CARNS1: variants seen among roughly 807,000 people sequenced by gnomAD.
CARNS1 encodes carnosine synthase 1.
Under a neutral mutation model 74.0 loss-of-function variants are expected in CARNS1, and 61 were observed. That is an observed-to-expected ratio of 0.82 (90% CI 0.67 to 1.02). The LOEUF (loss-of-function observed/expected upper bound fraction) is 1.02, where lower values mean the gene tolerates loss of function less well. Among genes scored for constraint, CARNS1 ranks in the 50% least tolerant of loss-of-function variants. The pLI is 0.00. For missense variants in CARNS1, 1,278 were observed against 1,308.4 expected (o/e 0.98, Z 0.36); for synonymous variants, 568 against 605.5 (o/e 0.94, Z 0.91).
chr11:67,419,248 C>T lies in CARNS1; in HGVS notation c.852+5C>T. The T allele has an allele frequency of 1.8e-5, 27 of 1,471,144 alleles. No homozygotes were observed. The highest frequency in any genetic ancestry group is 2.3e-5 in the Non-Finnish European group (26 of 1,106,466). 91.1% of individuals were successfully genotyped at this position (1,471,144 alleles called of 1,614,324 possible). A position where few individuals can be genotyped will look rare whatever the true frequency, so the allele number is the denominator to read the frequency against. On this transcript the variant is annotated splice_donor_5th_base_variant and intron_variant, in intron 5 of 9. Transcript: ENST00000687366. ...GCCCTGGGTGATATCCTGCAGGTAA[C>T]AGACTCTCGCCCACCCTGAGGTCTG...
chr11:67,419,281 G>A lies in CARNS1; in HGVS notation c.852+38G>A, dbSNP rs111526181. ...CGCCCACCCTGAGGTCTGTACAGATGCCAGCAGGATGGGACCCAGGCACGG... is the reference window on the plus strand; with the variant it reads ...CGCCCACCCTGAGGTCTGTACAGATACCAGCAGGATGGGACCCAGGCACGG... On this transcript the variant is annotated intron_variant, in intron 5 of 9. Transcript: ENST00000687366. The A allele has an allele frequency of 6.5e-5, 96 of 1,468,498 alleles. 4 individuals are homozygous for A. In the African/African-American group the frequency reaches 7.4e-4, roughly 11 times the overall value. 91.0% of individuals were successfully genotyped at this position (1,468,498 alleles called of 1,614,324 possible). A position where few individuals can be genotyped will look rare whatever the true frequency, so the allele number is the denominator to read the frequency against.
chr11:67,420,758 C>T lies in CARNS1; in HGVS notation c.1263C>T (p.Ala421=), dbSNP rs2135090544. The change falls in exon 8 of 10, where the codon GCC becomes GCT. Residue 421 remains alanine (A), a synonymous_variant. Transcript: ENST00000687366. ...AGCGCGTCAAGGCGGCGGCCGAGGC[C>T]GCGCTGGCCGCCGTGCTGGCTCTGG... ...VRQRVKAAAE[A]ALAAVLALEA... is the part of the protein sequence containing the mutation. 2 of 1,242,732 alleles carry T rather than the reference C, an allele frequency of 1.6e-6. No homozygotes were observed. The highest frequency in any genetic ancestry group is 2.0e-6 in the Non-Finnish European group (2 of 996,646). The allele number at this position is 1,242,732 out of a possible 1,614,324, so 77.0% of individuals were successfully genotyped here. A position where few individuals can be genotyped will look rare whatever the true frequency, so the allele number is the denominator to read the frequency against.
rs1253767967 is a variant in CARNS1 at position 67,423,363 on chromosome 11, T to C, written c.1627-12T>C. 3.1e-6 allele frequency: 5 copies of C among 1,590,422 alleles called. No individual in the cohort carries two copies. Among genetic ancestry groups the C allele is most frequent in the Non-Finnish European group, 4.3e-6 (5 of 1,165,372 alleles). On this transcript the variant is annotated splice_polypyrimidine_tract_variant and intron_variant, in intron 9 of 9. Transcript: ENST00000687366. The surrounding 1 kb of genome is among the most constrained non-coding windows in gnomAD (Gnocchi z 5.1). Reference sequence around the variant, plus strand: ...GCTGACCTGGATATGCCCCACCCTGTGGCTTCTGCAGCTGCACCTCGTGGA... The same window carrying C: ...GCTGACCTGGATATGCCCCACCCTGCGGCTTCTGCAGCTGCACCTCGTGGA...
intron 7 of CARNS1, 114 bp downstream of exon 7, chr11:67,419,952 T>G: frequency 9.5e-7 from 1 of 1,054,860 alleles, no homozygotes; most frequent in Non-Finnish European, 1.4e-6. Flanking sequence ...ACAAAATCCT[T>G]AGGGGGGTCG....
In CARNS1 at chr11:67,419,627, G is replaced by A; in HGVS notation, c.993G>A (p.Glu331=). 5 of 1,600,964 alleles carry A rather than the reference G, an allele frequency of 3.1e-6. No individual in the cohort carries two copies. The South Asian group carries it at 4.5e-5, about 14-fold the overall frequency. The change falls in exon 6 of 10, where the codon GAG becomes GAA. Residue 331 remains glutamate, a synonymous_variant. Coordinates refer to ENST00000687366, the MANE Select transcript of CARNS1 (RefSeq NM_001166222.2). The stretch of plus-strand genomic sequence containing the variant: ...AGGAGGAGGAGAGTGTCCTGGTGGA[G>A]GCTGTGTACCCACCTGCCCAGCTGC... The part of the protein sequence containing the change: ...KLEEEESVLV[E]AVYPPAQLPC...
In CARNS1 at chr11:67,419,501, C is replaced by A; in HGVS notation, c.867C>A (p.Leu289=). ...LGDILQVAVK[L]SGWRWRGRQA... is the part of the protein sequence containing the mutation. ...CCTTGCTGCAGGTAGCTGTGAAGCT[C>A]AGTGGCTGGCGCTGGCGGGGGCGGC... Residue 289 remains leucine, a synonymous_variant, in exon 6 of 10, where the codon CTC becomes CTA. Transcript: ENST00000687366. 6.2e-7 allele frequency: 1 copy of A among 1,612,068 alleles called. No homozygotes were observed. The highest frequency in any genetic ancestry group is 1.1e-5 in the South Asian group (1 of 90,864).
Position 67,424,651 on chromosome 11 carries a change from G to A in CARNS1, c.*50G>A, listed in dbSNP as rs1251915887. The A allele has an allele frequency of 2.0e-6, 3 of 1,535,264 alleles. No homozygotes were observed. Among genetic ancestry groups the A allele is most frequent in the Non-Finnish European group, 2.6e-6 (3 of 1,140,894 alleles). The stretch of plus-strand genomic sequence containing the variant: ...CAGTGCTGGGTGGAGGCACTGTGGT[G>A]CCCTCTGCTCCCTGGAGCTCTTCCT... On this transcript the variant is annotated 3_prime_UTR_variant, in exon 10 of 10. Transcript: ENST00000687366.
Position 67,419,476 on chromosome 11 carries a change from C to A in CARNS1, c.853-11C>A. Reference sequence around the variant, plus strand: ...GGTGTCCAGGAGGCCCCTTTCCCCTCCTTGCTGCAGGTAGCTGTGAAGCTC... The same window carrying A: ...GGTGTCCAGGAGGCCCCTTTCCCCTACTTGCTGCAGGTAGCTGTGAAGCTC... On this transcript the variant is annotated splice_polypyrimidine_tract_variant and intron_variant, in intron 5 of 9. Coordinates refer to ENST00000687366, the MANE Select transcript of CARNS1 (RefSeq NM_001166222.2). 6.2e-7 allele frequency: 1 copy of A among 1,611,526 alleles called. No homozygotes were observed. The highest frequency in any genetic ancestry group is 1.1e-5 in the South Asian group (1 of 90,698).
Position 67,419,241 on chromosome 11 carries a change from C to A in CARNS1, c.850C>A (p.Gln284Lys). The A allele has an allele frequency of 6.8e-7, 1 of 1,474,244 alleles. No homozygotes were observed. The highest frequency in any genetic ancestry group is 9.0e-7 in the Non-Finnish European group (1 of 1,107,644). 91.3% of individuals were successfully genotyped at this position (1,474,244 alleles called of 1,614,324 possible). A position where few individuals can be genotyped will look rare whatever the true frequency, so the allele number is the denominator to read the frequency against. ...CTCCGAGGCCCTGGGTGATATCCTGCAGGTAACAGACTCTCGCCCACCCTG... is the reference window on the plus strand; with the variant it reads ...CTCCGAGGCCCTGGGTGATATCCTGAAGGTAACAGACTCTCGCCCACCCTG... Reference protein sequence around the residue: ...LRSEALGDILQVAVKLSGWRW... With the variant: ...LRSEALGDILKVAVKLSGWRW... Residue 284 changes from glutamine to lysine, a missense_variant and splice_region_variant, in exon 5 of 10, where the codon CAG becomes AAG. Around this residue, in one of 3 missense-constraint regions of CARNS1, gnomAD observed 1,164 missense variants for 1,156.5 expected, o/e 1.01. Coordinates refer to ENST00000687366, the MANE Select transcript of CARNS1 (RefSeq NM_001166222.2).
chr11:67,418,694 G>T (rs552741498), intron 4 of CARNS1, 62 bp from the exon 5 acceptor site: 1 of 1,484,148 alleles, frequency 6.7e-7, no homozygotes, highest in East Asian at 2.5e-5. Context: ...TCCGCTACCC[G>T]GGGGCCCGGG....
At chr11:67,421,893 AAT>A (rs1032087180) in intron 9 of CARNS1, among the ~76,000 whole-genome samples, 1 of 151,168 alleles carries the variant, frequency 6.6e-6, no homozygotes, top group African/African-American at 2.4e-5. Flanking sequence ...ATGCCCAGCT[AAT>A]TTTTTTTTTT....
chr11:67,419,930 T>G (rs1257687290), intron 7 of CARNS1, 92 bp downstream of exon 7: 1 of 1,329,108 alleles, frequency 7.5e-7, no homozygotes, highest in Non-Finnish European at 1.0e-6. Context: ...GAGCCGTCTC[T>G]GGGCAGAGAG....
At position 67,421,129 on chromosome 11, in the gene CARNS1, C is replaced by A; in HGVS notation, c.1536C>A (p.Cys512Ter). Residue 512 changes from cysteine to a stop codon, truncating the protein, a stop_gained, in exon 9 of 10, where the codon TGC (cysteine) becomes TGA (stop). Transcript: ENST00000687366. LOFTEE classifies it high-confidence loss of function. ...CCATGCTTCGGCGGTCGGCGCGCTG[C>A]CTCATGGAGGGAAAACAGCTGCTGG... ...VETMLRRSAR[C>*]LMEGKQLLVV... The A allele has an allele frequency of 6.8e-7, 1 of 1,475,680 alleles. No individual in the cohort carries two copies. Among genetic ancestry groups the A allele is most frequent in the South Asian group, 1.3e-5 (1 of 77,868 alleles). The allele number at this position is 1,475,680 out of a possible 1,614,324, so 91.4% of individuals were successfully genotyped here.
In CARNS1 at chr11:67,421,134, T is replaced by C. The variant is rs759539788; in HGVS notation, c.1541T>C (p.Met514Thr). The change falls in exon 9 of 10, where the codon ATG (methionine) becomes ACG (threonine). Residue 514 changes from methionine (M) to threonine (T), a missense_variant. Transcript: ENST00000687366. ...CTTCGGCGGTCGGCGCGCTGCCTCA[T>C]GGAGGGAAAACAGCTGCTGGTGGTC... ...TMLRRSARCL[M>T]EGKQLLVVGA... is the part of the protein sequence containing the mutation. 66 of 1,483,314 alleles carry C rather than the reference T, an allele frequency of 4.4e-5. No homozygotes were observed. The South Asian group carries it at 5.7e-4, about 13-fold the overall frequency. The allele number at this position is 1,483,314 out of a possible 1,614,324, so 91.9% of individuals were successfully genotyped here. A position where few individuals can be genotyped will look rare whatever the true frequency, so the allele number is the denominator to read the frequency against.
chr11:67,423,803 C>G lies in CARNS1; in HGVS notation c.2055C>G (p.Val685=), dbSNP rs2135100109. ...KLEFGAGAVG[V]RLVEDAPQCH... ...AGTTCGGGGCAGGTGCAGTGGGTGTCCGGCTGGTAGAGGATGCGCCACAGT... is the reference window on the plus strand; with the variant it reads ...AGTTCGGGGCAGGTGCAGTGGGTGTGCGGCTGGTAGAGGATGCGCCACAGT... The change falls in exon 10 of 10, where the codon GTC becomes GTG. Residue 685 remains valine, a synonymous_variant. Transcript: ENST00000687366. The surrounding 1 kb of genome is among the most constrained non-coding windows in gnomAD (Gnocchi z 5.1). 1 of 1,605,298 alleles carries G rather than the reference C, an allele frequency of 6.2e-7. No individual in the cohort carries two copies. The highest frequency in any genetic ancestry group is 1.1e-5 in the South Asian group (1 of 90,708).
chr11:67,420,907 G>T, intron 8 of CARNS1, 32 bp from the exon 9 acceptor site: 1 of 1,354,614 alleles, frequency 7.4e-7, no homozygotes, highest in Non-Finnish European at 9.5e-7. Context: ...GGTGGCTGCC[G>T]TAGCTGAGCT....
chr11:67,419,820 T>C lies in CARNS1; in HGVS notation c.1095T>C (p.Asp365=), dbSNP rs998512281. The C allele has an allele frequency of 6.2e-5, 98 of 1,591,012 alleles. No individual in the cohort carries two copies. Among genetic ancestry groups the C allele is most frequent in the Non-Finnish European group, 8.0e-5 (94 of 1,169,466 alleles). The change falls in exon 7 of 10, where the codon GAT becomes GAC. Residue 365 remains aspartate, a synonymous_variant. Transcript: ENST00000687366. ...CTGTGGTGTGTCGGACACAGGGTGA[T>C]AGGCCACTGCTGAGCAAGGTGAGCG... is the stretch of plus-strand genomic sequence containing the variant. The part of the protein sequence containing the change: ...ICAVVCRTQG[D]RPLLSKVVCG...
rs1863782009 is a variant in CARNS1 at position 67,424,368 on chromosome 11, A to C, written c.2620A>C (p.Ser874Arg). 3.1e-6 allele frequency: 5 copies of C among 1,599,776 alleles called. No individual in the cohort carries two copies. In the South Asian group the frequency reaches 5.6e-5, roughly 18 times the overall value. Residue 874 changes from serine (S) to arginine (R), a missense_variant, in exon 10 of 10, where the codon AGT (serine) becomes CGT (arginine). Physicochemically the swap from Ser to Arg is moderately radical, Grantham distance 110 (BLOSUM62 -1). Transcript: ENST00000687366. ...TGTGTCCCAGCACCTGCAGGCCCTG[A>C]GTTCCACCGCCAGCCGTGAGACCCT... ...CLVSQHLQAL[S>R]STASRETLQA...
chr11:67,421,783 G>A (rs1436993533), intron 9 of CARNS1, among the ~76,000 whole-genome samples: 1 of 152,080 alleles, frequency 6.6e-6, no homozygotes, highest in Non-Finnish European at 1.5e-5. Flanking sequence ...ACTGGAGTGC[G>A]GTGGTGCGAT....
Sources: gnomAD v4.1 joint callset for allele counts (sites outside exome capture counted in the v4.1 genomes callset) on GRCh38, gnomAD v4.1.1 for gene constraint, gnomAD v4.1.1 regional missense constraint, Gnocchi (gnomAD v3.1) non-coding constraint, MANE v1.5 for transcripts, NCBI Gene and HGNC (gene_info 2026-07-23, HGNC 2026-07-21) for gene names.